Variants in PAM16 observed in about 807,000 individuals in gnomAD.
PAM16 encodes the protein mitochondrial import inner membrane translocase subunit TIM16.
In PAM16, 11 loss-of-function variants were observed where a neutral mutation model predicts 17.9. That is an observed-to-expected ratio of 0.62 (90% CI 0.39 to 1.02). The LOEUF (loss-of-function observed/expected upper bound fraction) is 1.02, where lower values mean the gene tolerates loss of function less well. PAM16 is among the 50% of genes least tolerant of loss of function. The probability of loss-of-function intolerance (pLI) is 0.01; values close to 1 mark genes in which losing one functional copy is unlikely to be tolerated. For missense variants in PAM16, 199 were observed against 165.4 expected (o/e 1.20, Z -1.11); for synonymous variants, 72 against 67.4 (o/e 1.07, Z -0.34).
intron 1 of PAM16, among the ~76,000 whole-genome samples, chr16:4,350,175 C>T (rs2053826748): frequency 6.6e-6 from 1 of 151,606 alleles, no homozygotes; most frequent in Non-Finnish European, 1.5e-5. Flanking sequence ...AGTGCAGTGG[C>T]ACAATCTTGG....
chr16:4,350,066 A>C (rs1266364978), intron 1 of PAM16, among the ~76,000 whole-genome samples: 7 of 152,092 alleles, frequency 4.6e-5, no homozygotes, highest in Non-Finnish European at 8.8e-5. Flanking sequence ...TGGGGAACTT[A>C]CGTGTGCAGA....
chr16:4,345,002 G>A (rs2053732267), intron 1 of PAM16, among the ~76,000 whole-genome samples: 1 of 152,064 alleles, frequency 6.6e-6, no homozygotes, highest in African/African-American at 2.4e-5. Context: ...GCAGCCAATA[G>A]CCTAGGCTGG....
intron 4 of PAM16, among the ~76,000 whole-genome samples, chr16:4,340,717 T>C (rs2053630870): frequency 6.6e-6 from 1 of 151,940 alleles, no homozygotes; most frequent in South Asian, 2.1e-4. Context: ...ACAGCCTGAG[T>C]GGCTGGACCC....
At chr16:4,341,683 G>T in intron 2 of PAM16, 179 bp from the exon 3 acceptor site, 1 of 1,053,482 alleles carries the variant, frequency 9.5e-7, no homozygotes, top group Non-Finnish European at 1.3e-6. Flanking sequence ...CTGGGAAAGT[G>T]AGGACAGACG....
At chr16:4,350,139 G>C (rs983334285) in intron 1 of PAM16, among the ~76,000 whole-genome samples, 2 of 151,682 alleles carry the variant, frequency 1.3e-5, no homozygotes, top group South Asian at 2.1e-4. Context: ...CTTTTTGAGA[G>C]AGTTTTGCCC....
chr16:4,346,225 G>A (rs1292371568), intron 1 of PAM16, among the ~76,000 whole-genome samples: 2 of 152,228 alleles, frequency 1.3e-5, no homozygotes, highest in African/African-American at 2.4e-5. Context: ...AAGACGCAGT[G>A]TAGTGTAATG....
chr16:4,343,188 G>A lies in PAM16; in HGVS notation c.88+19C>T. ...GGAGAGGAACTCCCAGCCCACAGGG[G>A]AGACGGACCCATGCTTACCTGCAAA... On this transcript the variant is annotated intron_variant, in intron 2 of 4. Coordinates refer to ENST00000318059, the MANE Select transcript of PAM16 (RefSeq NM_016069.11). 1.2e-6 allele frequency: 2 copies of A among 1,612,210 alleles called. No individual in the cohort carries two copies.
At chr16:4,350,283 A>G (rs1403291712) in intron 1 of PAM16, among the ~76,000 whole-genome samples, 1 of 150,856 alleles carries the variant, frequency 6.6e-6, no homozygotes, top group Non-Finnish European at 1.5e-5. Flanking sequence ...CCTGGCTAAC[A>G]TATGTATATA....
At chr16:4,344,939 G>T (rs2053729956) in intron 1 of PAM16, among the ~76,000 whole-genome samples, 1 of 151,974 alleles carries the variant, frequency 6.6e-6, no homozygotes, top group Admixed American at 6.6e-5. Context: ...TAGGCAGAGG[G>T]ACTGGGTTGA....
chr16:4,349,143 G>A (rs1291502542), intron 1 of PAM16, among the ~76,000 whole-genome samples: 1 of 151,286 alleles, frequency 6.6e-6, no homozygotes, highest in African/African-American at 2.4e-5. Flanking sequence ...TTTTAGTAGA[G>A]ACGGGGTTTC....
At chr16:4,346,297 C>T (rs2053758549) in intron 1 of PAM16, among the ~76,000 whole-genome samples, 2 of 152,236 alleles carry the variant, frequency 1.3e-5, no homozygotes, top group Admixed American at 6.5e-5. Context: ...GACATAGACA[C>T]GTTCTCAACT....
intron 1 of PAM16, among the ~76,000 whole-genome samples, chr16:4,346,477 G>GA (rs1177611469): frequency 2.0e-5 from 3 of 152,184 alleles, no homozygotes; most frequent in Non-Finnish European, 2.9e-5. Flanking sequence ...CAGGCACTAT[G>GA]AAGTAACAAA....
At position 4,340,362 on chromosome 16, in the gene PAM16, T is replaced by C; in HGVS notation, c.335A>G (p.Gln112Arg). 6.2e-7 allele frequency: 1 copy of C among 1,612,984 alleles called. No homozygotes were observed. Among genetic ancestry groups the C allele is most frequent in the Non-Finnish European group, 8.5e-7 (1 of 1,179,928 alleles). The change falls in exon 5 of 5, where the codon CAG (glutamine) becomes CGG (arginine). Residue 112 changes from glutamine to arginine, a missense_variant. Gln to Arg is a conservative substitution (Grantham distance 43). Transcript: ENST00000318059. ...CCCTTTTTCTCTGTCCTCCTGGGCC[T>C]GGATTTTGAGTTCCTCATCCAGGCG... ...KERLDEELKI[Q>R]AQEDREKGQM...
At chr16:4,347,386 C>G (rs1441095708) in intron 1 of PAM16, 1 of 152,200 alleles carries the variant, frequency 6.6e-6, no homozygotes, top group Admixed American at 6.5e-5. Context: ...ATGAACTGCC[C>G]TCCTCGGCTT....
rs1379337903 is a variant in PAM16 at position 4,346,139 on chromosome 16, G to C, written c.4-2848C>G. The C allele has an allele frequency of 2.5e-5, 5 of 199,134 alleles. No homozygotes were observed. In the East Asian group the frequency reaches 9.3e-4, roughly 37 times the overall value. The allele number at this position is 199,134 out of a possible 1,614,324, so 12.3% of individuals were successfully genotyped here. A position where few individuals can be genotyped will look rare whatever the true frequency, so the allele number is the denominator to read the frequency against. On this transcript the variant is annotated intron_variant, in intron 1 of 4. Coordinates refer to ENST00000318059, the MANE Select transcript of PAM16 (RefSeq NM_016069.11). ...CTGCCTAGAGCTGCAGGGCAGAGGG[G>C]GGCTGGCCTGCAAAGTTTCAGCAGA...
intron 1 of PAM16, chr16:4,345,777 C>T (rs1458075527): frequency 1.8e-5 from 16 of 901,458 alleles, no homozygotes; most frequent in Middle Eastern, 5.6e-4. Flanking sequence ...ATGACACCTG[C>T]GGTCTCACCT....
Position 4,341,467 on chromosome 16 carries a change from T to A in PAM16, c.126A>T (p.Gly42=), listed in dbSNP as rs1453679727. 6.2e-7 allele frequency: 1 copy of A among 1,610,244 alleles called. No individual in the cohort carries two copies. Among genetic ancestry groups the A allele is most frequent in the Non-Finnish European group, 8.5e-7 (1 of 1,179,176 alleles). ...RAAADARGRA[G]HRSAAASNLS... ...GGTTGGAAGCGGCTGCAGACCGGTG[T>A]CCAGCGCGTCCTCGGGCATCAGCTG... The change falls in exon 3 of 5, where the codon GGA becomes GGT. Residue 42 remains glycine (G), a synonymous_variant. Transcript: ENST00000318059.
At chr16:4,343,565 G>A in intron 1 of PAM16, 3 of 1,397,554 alleles carry the variant, frequency 2.1e-6, no homozygotes, top group Non-Finnish European at 2.8e-6. Context: ...AAGGCGTAGA[G>A]GAGCAAGGCA....
intron 1 of PAM16, chr16:4,347,333 T>A (rs2053774154): frequency 6.6e-6 from 1 of 152,060 alleles, no homozygotes; most frequent in Non-Finnish European, 1.5e-5. Flanking sequence ...AGAGATGGGG[T>A]TTCGCCATGT....
Sources: gnomAD v4.1 joint callset for allele counts (sites outside exome capture counted in the v4.1 genomes callset) on GRCh38, gnomAD v4.1.1 for gene constraint, MANE v1.5 for transcripts, NCBI Gene and HGNC (gene_info 2026-07-23, HGNC 2026-07-21) for gene names.